The following IL1RAPL1 variants were observed in gnomAD, a reference collection of about 807,000 sequenced individuals.
IL1RAPL1 encodes interleukin 1 receptor accessory protein like 1.
Under a neutral mutation model 48.4 loss-of-function variants are expected in IL1RAPL1, and 3 were observed. That is an observed-to-expected ratio of 0.06 (90% CI 0.03 to 0.16). IL1RAPL1 has a LOEUF of 0.16. IL1RAPL1 is among the 10% of genes least tolerant of loss of function. IL1RAPL1 has a pLI of 1.00. For missense variants in IL1RAPL1, 349 were observed against 530.6 expected, an observed-to-expected ratio of 0.66 and a Z score of 3.36; for synonymous variants, 185 against 187.7, an observed-to-expected ratio of 0.99 and a Z score of 0.12.
At chrX:29,168,287 C>G (rs1380432665) in intron 2 of IL1RAPL1, among the ~76,000 whole-genome samples, 1 of 107,726 alleles carries the variant, frequency 9.3e-6, no homozygotes, top group Non-Finnish European at 1.9e-5. Context: ...AAAACTTATT[C>G]TTTCCTGTCT....
chrX:29,365,752 G>T (rs745742298), intron 3 of IL1RAPL1, among the ~76,000 whole-genome samples: 6 of 109,242 alleles, frequency 5.5e-5, no homozygotes, highest in East Asian at 5.8e-4. Context: ...AAAAAAGAAA[G>T]AAATGGTCCG....
At chrX:29,078,301 A>G (rs1224394609) in intron 2 of IL1RAPL1, among the ~76,000 whole-genome samples, 1 of 112,167 alleles carries the variant, frequency 8.9e-6, no homozygotes, top group East Asian at 2.8e-4. Context: ...CAAAACAAAA[A>G]AAACAAAAAC....
In IL1RAPL1 at chrX:29,208,454, G is replaced by A. The variant is rs962531860; in HGVS notation, c.83-74484G>A. Among the ~76,000 whole-genome samples the A allele has an allele frequency of 4.5e-5, 5 of 111,186 alleles. No homozygotes were observed. In the Admixed American group the frequency reaches 4.8e-4, roughly 11 times the overall value. Reference sequence around the variant, plus strand: ...GGGCCGGGCACGGTGGCTCACGCCTGTAATCCCAGCACTTTGGGAGGCCGA... The same window carrying A: ...GGGCCGGGCACGGTGGCTCACGCCTATAATCCCAGCACTTTGGGAGGCCGA... On this transcript the variant is annotated intron_variant, in intron 2 of 10. Coordinates refer to ENST00000378993, the MANE Select transcript of IL1RAPL1 (RefSeq NM_014271.4).
At position 29,450,159 on chromosome X, in the gene IL1RAPL1, AATAG is replaced by A. The variant is rs750494977; in HGVS notation, c.703+50858_703+50861del. The stretch of plus-strand genomic sequence containing the variant: ...GACAAATATAAGTCAATTTTAGCAT[AATAG>A]ATAGATTATCAAGTAGGGACATTTA... On this transcript the variant is annotated intron_variant, in intron 5 of 10. Coordinates refer to ENST00000378993, the MANE Select transcript of IL1RAPL1 (RefSeq NM_014271.4). 5.3e-3 allele frequency among the ~76,000 whole-genome samples: 595 copies of A among 112,255 alleles called. 4 individuals are homozygous for A. The highest frequency in any genetic ancestry group is 8.3e-3 in the Non-Finnish European group (440 of 53,211).
intron 1 of IL1RAPL1, among the ~76,000 whole-genome samples, chrX:28,786,921 G>T (rs527723125): frequency 1.8e-5 from 2 of 112,095 alleles, no homozygotes; most frequent in South Asian, 7.4e-4. Context: ...AAACTTGGAT[G>T]TCTATGGCTA....
rs1158195065 is a variant in IL1RAPL1 at position 28,688,497 on chromosome X, A to G, written c.-25+100450A>G. On this transcript the variant is annotated intron_variant, in intron 1 of 10. Coordinates refer to ENST00000378993, the MANE Select transcript of IL1RAPL1 (RefSeq NM_014271.4). The stretch of plus-strand genomic sequence containing the variant: ...AGCACTTGGATTATAGGCATGAGCC[A>G]CTGTGCCTGACCTACATCATGTATT... Among the ~76,000 whole-genome samples, 3 of 111,972 alleles carry G rather than the reference A, an allele frequency of 2.7e-5. No homozygotes were observed. In the Admixed American group the frequency reaches 2.8e-4, roughly 11 times the overall value.
chrX:28,991,294 A>G (rs1925597780), intron 2 of IL1RAPL1, among the ~76,000 whole-genome samples: 1 of 111,992 alleles, frequency 8.9e-6, no homozygotes, highest in South Asian at 3.7e-4. Flanking sequence ...ATGATTGGCA[A>G]GAGCTTCAAC....
intron 2 of IL1RAPL1, among the ~76,000 whole-genome samples, chrX:29,217,414 C>A (rs1930890799): frequency 8.9e-6 from 1 of 112,337 alleles, no homozygotes; most frequent in African/African-American, 3.2e-5. Context: ...ATAGCTGTTA[C>A]AGCAGAAGAA....
intron 1 of IL1RAPL1, among the ~76,000 whole-genome samples, chrX:28,635,999 G>A (rs1319818277): frequency 9.0e-6 from 1 of 111,511 alleles, no homozygotes; most frequent in Non-Finnish European, 1.9e-5. Context: ...ATTTTAAAAA[G>A]CAAACCTATT....
chrX:29,643,141 T>C (rs1027516674), intron 5 of IL1RAPL1, among the ~76,000 whole-genome samples: 3 of 112,302 alleles, frequency 2.7e-5, no homozygotes, highest in Non-Finnish European at 5.6e-5. Flanking sequence ...CTATGTACGC[T>C]TTTTCTCTTG....
chrX:29,739,523 C>G (rs1191820527), intron 6 of IL1RAPL1, among the ~76,000 whole-genome samples: 2 of 111,318 alleles, frequency 1.8e-5, no homozygotes, highest in Non-Finnish European at 3.8e-5. Context: ...ATAACACGTC[C>G]TGCTTCTTTT....
intron 3 of IL1RAPL1, among the ~76,000 whole-genome samples, chrX:29,395,057 T>C: frequency 8.9e-6 from 1 of 111,982 alleles, no homozygotes; most frequent in Non-Finnish European, 1.9e-5. Flanking sequence ...ATGTTGTGCA[T>C]GTGTACAGAC....
chrX:29,928,109 G>A (rs1932908204), intron 8 of IL1RAPL1, among the ~76,000 whole-genome samples: 1 of 112,097 alleles, frequency 8.9e-6, no homozygotes, highest in Non-Finnish European at 1.9e-5. Flanking sequence ...ACTAGTGTGT[G>A]TATAGTCAAC....
intron 1 of IL1RAPL1, among the ~76,000 whole-genome samples, chrX:28,635,766 T>G: frequency 8.9e-6 from 1 of 112,181 alleles, no homozygotes; most frequent in Middle Eastern, 4.6e-3. Context: ...GCTTTTGGAT[T>G]ACTTTTACCC....
At chrX:29,629,407 T>C (rs1309669428) in intron 5 of IL1RAPL1, among the ~76,000 whole-genome samples, 1 of 111,192 alleles carries the variant, frequency 9.0e-6, no homozygotes, top group Non-Finnish European at 1.9e-5. Flanking sequence ...ACTCAAATTA[T>C]TGTAGGTTAT....
At chrX:29,236,147 A>G (rs1297783839) in intron 2 of IL1RAPL1, among the ~76,000 whole-genome samples, 1 of 112,709 alleles carries the variant, frequency 8.9e-6, no homozygotes, top group African/African-American at 3.2e-5. Flanking sequence ...ATGCTTCTGC[A>G]TGGAGACATA....
chrX:28,903,424 C>CTTTT (rs199661606), intron 2 of IL1RAPL1, among the ~76,000 whole-genome samples: 10 of 100,129 alleles, frequency 1.0e-4, no homozygotes, highest in East Asian at 3.3e-4. Context: ...TTCTTTCTTT[C>CTTTT]TTTTTTTTTT....
chrX:28,617,664 C>A (rs1934237229), intron 1 of IL1RAPL1, among the ~76,000 whole-genome samples: 1 of 112,215 alleles, frequency 8.9e-6, no homozygotes. Context: ...TGGGATCTTA[C>A]TATCCAATTG....
intron 6 of IL1RAPL1, among the ~76,000 whole-genome samples, chrX:29,709,871 G>T (rs1002173517): frequency 9.0e-6 from 1 of 111,442 alleles, no homozygotes; most frequent in Non-Finnish European, 1.9e-5. Context: ...TCAGTGTACA[G>T]ATCTTTCACC....
Sources: gnomAD v4.1 joint callset for allele counts (sites outside exome capture counted in the v4.1 genomes callset) on GRCh38, gnomAD v4.1.1 for gene constraint, MANE v1.5 for transcripts, NCBI Gene and HGNC (gene_info 2026-07-23, HGNC 2026-07-21) for gene names.